Variants in STK26 observed in about 807,000 individuals in gnomAD.
STK26 encodes the protein serine/threonine kinase 26.
A neutral mutation model predicts 34.7 loss-of-function variants in STK26; 14 were observed. The ratio of observed to expected loss-of-function variants is 0.40; its 90% CI spans 0.27 to 0.63. STK26 has a LOEUF of 0.63. Among genes scored for constraint, STK26 ranks in the 30% least tolerant of loss-of-function variants. The pLI, the probability that STK26 is intolerant of heterozygous loss-of-function variation, is 0.38. For synonymous variants in STK26, 100 were observed against 109.8 expected (o/e 0.91, Z 0.56); for missense variants, 226 against 309.1 (o/e 0.73, Z 2.02).
chrX:132,054,113 A>G (rs1299626250), intron 2 of STK26, among the ~76,000 whole-genome samples: 1 of 112,213 alleles, frequency 8.9e-6, no homozygotes, highest in East Asian at 2.8e-4. Context: ...AATGAAAAAC[A>G]AAGACCTGTA....
chrX:132,048,562 C>T (rs1452454498), intron 2 of STK26, among the ~76,000 whole-genome samples: 1 of 111,837 alleles, frequency 8.9e-6, no homozygotes, highest in Non-Finnish European at 1.9e-5. Flanking sequence ...GTAACCTCTC[C>T]AGGGTATAGT....
At chrX:132,063,543 C>T (rs902079580) in intron 4 of STK26, 54 bp downstream of exon 4, 1 of 1,067,328 alleles carries the variant, frequency 9.4e-7, no homozygotes, top group South Asian at 2.2e-5. Flanking sequence ...TATGCACATA[C>T]CTTAATTTTT....
chrX:132,028,825 A>G (rs1925714797), intron 2 of STK26, among the ~76,000 whole-genome samples: 1 of 111,696 alleles, frequency 9.0e-6, no homozygotes, highest in African/African-American at 3.3e-5. Flanking sequence ...TTGGAGAAAG[A>G]ATTCAGGTTG....
At chrX:132,073,148 T>C in intron 11 of STK26, 55 bp downstream of exon 11, 1 of 1,096,912 alleles carries the variant, frequency 9.1e-7, no homozygotes, top group Non-Finnish European at 1.2e-6. Context: ...TGTATGTTAA[T>C]TTATGATGCA....
At chrX:132,070,553 A>G (rs1311766247) in intron 7 of STK26, among the ~76,000 whole-genome samples, 1 of 112,386 alleles carries the variant, frequency 8.9e-6, no homozygotes, top group African/African-American at 3.2e-5. Flanking sequence ...TCTCATGTTA[A>G]TAAAATGAAG....
intron 2 of STK26, among the ~76,000 whole-genome samples, chrX:132,025,682 T>C (rs1289873887): frequency 9.4e-6 from 1 of 106,570 alleles, no homozygotes; most frequent in African/African-American, 3.4e-5. Context: ...TCTCTTCATC[T>C]TAATGAAATG....
chrX:132,027,861 A>AT (rs1323325195), intron 2 of STK26, among the ~76,000 whole-genome samples: 99 of 102,746 alleles, frequency 9.6e-4, no homozygotes, highest in South Asian at 7.9e-3. Context: ...TTCTTTTTTA[A>AT]TTTTTTTTTT....
chrX:132,034,448 A>G (rs1925970407), intron 2 of STK26, among the ~76,000 whole-genome samples: 1 of 107,224 alleles, frequency 9.3e-6, no homozygotes, highest in Non-Finnish European at 1.9e-5. Context: ...CTGGGACTAC[A>G]GGCACCTGCC....
intron 3 of STK26, among the ~76,000 whole-genome samples, chrX:132,058,938 T>C (rs1237949480): frequency 1.8e-5 from 2 of 110,960 alleles, no homozygotes; most frequent in Admixed American, 9.5e-5. Context: ...TTGAGACATA[T>C]GTATATACAC....
intron 2 of STK26, among the ~76,000 whole-genome samples, chrX:132,039,082 A>T (rs190949791): frequency 3.6e-5 from 4 of 111,151 alleles, no homozygotes; most frequent in African/African-American, 1.3e-4. Context: ...TCCAGGATAG[A>T]GACAGTTCTC....
chrX:132,025,647 CTT>C (rs57313614), intron 2 of STK26, among the ~76,000 whole-genome samples: 10 of 81,697 alleles, frequency 1.2e-4, no homozygotes, highest in Admixed American at 1.4e-4. Flanking sequence ...AGAGAGGAAT[CTT>C]TTTTTTTTTT....
chrX:132,028,032 T>G (rs1350955736), intron 2 of STK26, among the ~76,000 whole-genome samples: 3 of 21,437 alleles, frequency 1.4e-4, no homozygotes, highest in African/African-American at 5.6e-4. Context: ...ATTTTTATGG[T>G]TTTTTTTTTT....
chrX:132,033,670 C>G (rs1171065029), intron 2 of STK26, among the ~76,000 whole-genome samples: 1 of 111,896 alleles, frequency 8.9e-6, no homozygotes, highest in Non-Finnish European at 1.9e-5. Flanking sequence ...TTTACACACA[C>G]AATCTACATG....
chrX:132,063,149 A>T (rs1927112619), intron 3 of STK26, among the ~76,000 whole-genome samples: 2 of 110,747 alleles, frequency 1.8e-5, no homozygotes, highest in African/African-American at 6.6e-5. Context: ...GACTATAGTC[A>T]CCCTGTTGTG....
chrX:132,071,203 C>T lies in STK26; in HGVS notation c.918C>T (p.Ser306=), dbSNP rs56021439. The change falls in exon 8 of 12, where the codon TCC becomes TCT. Residue 306 remains serine (S), a synonymous_variant. Transcript: ENST00000394334. The part of the protein sequence containing the change: ...AEGHSDDESD[S]EGSDSESTSR... ...GACACAGTGATGATGAATCTGATTC[C>T]GAGGGCTCTGATTCGTATGTACAAA... is the stretch of plus-strand genomic sequence containing the variant. 3,627 of 1,206,840 alleles carry T rather than the reference C, an allele frequency of 3.0e-3. 7 individuals carry two copies. Among genetic ancestry groups the T allele is most frequent in the Non-Finnish European group, 3.8e-3 (3,369 of 893,774 alleles).
chrX:132,051,188 C>G (rs138014630), intron 2 of STK26, among the ~76,000 whole-genome samples: 21 of 111,769 alleles, frequency 1.9e-4, no homozygotes, highest in Non-Finnish European at 3.2e-4. Context: ...AACATTGTTT[C>G]CTTTTGGACT....
chrX:132,043,588 G>A (rs1926341099), intron 2 of STK26, among the ~76,000 whole-genome samples: 1 of 111,300 alleles, frequency 9.0e-6, no homozygotes, highest in South Asian at 3.7e-4. Flanking sequence ...AATGCTCCTG[G>A]TTAAACCTGA....
chrX:132,041,825 A>G (rs1926277805), intron 2 of STK26, among the ~76,000 whole-genome samples: 1 of 111,531 alleles, frequency 9.0e-6, no homozygotes. Flanking sequence ...GGAGAATTAC[A>G]GTTTTGTTAA....
chrX:132,035,290 A>C (rs1926001033), intron 2 of STK26, among the ~76,000 whole-genome samples: 1 of 111,366 alleles, frequency 9.0e-6, no homozygotes, highest in Admixed American at 9.5e-5. Context: ...ATGGTCACCC[A>C]TGACTTCTGT....
Sources: gnomAD v4.1 joint callset for allele counts (sites outside exome capture counted in the v4.1 genomes callset) on GRCh38, gnomAD v4.1.1 for gene constraint, MANE v1.5 for transcripts, NCBI Gene and HGNC (gene_info 2026-07-23, HGNC 2026-07-21) for gene names.